The following DYNLT2B variants were observed in gnomAD, a reference collection of about 807,000 sequenced individuals.
DYNLT2B encodes dynein light chain Tctex-type 2B, also known as dynein light chain Tctex-type protein 2B.
A neutral mutation model predicts 19.5 loss-of-function variants in DYNLT2B; 14 were observed. The observed-to-expected ratio is 0.72, with a 90% CI of 0.47 to 1.12. The LOEUF (loss-of-function observed/expected upper bound fraction) is 1.12. Among genes scored for constraint, DYNLT2B ranks in the 50% most tolerant of loss-of-function variants. DYNLT2B has a pLI of 0.00. For missense variants in DYNLT2B, 133 were observed against 174.7 expected, an observed-to-expected ratio of 0.76 and a Z score of 1.35; for synonymous variants, 70 against 59.7, an observed-to-expected ratio of 1.17 and a Z score of -0.79.
intron 3 of DYNLT2B, among the ~76,000 whole-genome samples, chr3:196,301,978 A>T (rs1275210062): frequency 6.6e-6 from 1 of 152,100 alleles, no homozygotes; most frequent in Non-Finnish European, 1.5e-5. Context: ...ACGGTGGCTC[A>T]CGCCTGTAGT....
intron 2 of DYNLT2B, among the ~76,000 whole-genome samples, 190 bp downstream of exon 2, chr3:196,315,908 T>C (rs537129181): frequency 6.6e-6 from 1 of 152,210 alleles, no homozygotes; most frequent in African/African-American, 2.4e-5. Flanking sequence ...CCTCACCATG[T>C]TGCCTAGGCT....
intron 2 of DYNLT2B, among the ~76,000 whole-genome samples, chr3:196,313,596 C>CA (rs1252830220): frequency 2.0e-5 from 3 of 151,858 alleles, no homozygotes; most frequent in African/African-American, 4.8e-5. Flanking sequence ...CCATTTTTTA[C>CA]AAAAAATCTT....
At chr3:196,306,867 A>G (rs1027494701) in intron 3 of DYNLT2B, 76 bp downstream of exon 3, 13 of 1,350,942 alleles carry the variant, frequency 9.6e-6, no homozygotes, top group African/African-American at 1.4e-5. Flanking sequence ...AGGCACTCTT[A>G]CTGAATTGTC....
intron 3 of DYNLT2B, among the ~76,000 whole-genome samples, chr3:196,298,534 A>C (rs1726276035): frequency 6.6e-6 from 1 of 151,886 alleles, no homozygotes; most frequent in Non-Finnish European, 1.5e-5. Context: ...GGCTGGTCTC[A>C]AACTCCTGAG....
rs117943475 is a variant in DYNLT2B at position 196,312,424 on chromosome 3, T to C, written c.247+3674A>G. 4.4e-3 allele frequency among the ~76,000 whole-genome samples: 666 copies of C among 151,550 alleles called. 16 individuals are homozygous for C. The South Asian group carries it at 0.071, about 16-fold the overall frequency. ...CAATGAAGCACAAGGGTCAAGAAAA[T>C]AAATTATTACCTCAAAACTATGTAT... On this transcript the variant is annotated intron_variant, in intron 2 of 4. Transcript: ENST00000325318.
rs1264057940 is a variant in DYNLT2B, at chr3:196,291,366, T to A, written c.390A>T (p.Leu130Phe). Residue 130 changes from leucine (L) to phenylalanine (F), a missense_variant, in exon 5 of 5, where the codon TTA becomes TTT. Coordinates refer to ENST00000325318, the MANE Select transcript of DYNLT2B (RefSeq NM_152773.5). Reference protein sequence around the residue: ...YTHDVFMNDSLFCVVAAFGCF... With the variant: ...YTHDVFMNDSFFCVVAAFGCF... The stretch of plus-strand genomic sequence containing the variant: ...AGCCAAATGCTGCTACAACGCAGAA[T>A]AAACTGTCCTAAAAAATAAATACAA... 1.9e-6 allele frequency: 3 copies of A among 1,609,816 alleles called. No individual in the cohort carries two copies. The highest frequency in any genetic ancestry group is 2.5e-6 in the Non-Finnish European group (3 of 1,178,294).
chr3:196,291,362 A>G lies in DYNLT2B; in HGVS notation c.394T>C (p.Cys132Arg). ...AAACAGCCAAATGCTGCTACAACGC[A>G]GAATAAACTGTCCTAAAAAATAAAT... ...HDVFMNDSLF[C>R]VVAAFGCFYY Residue 132 changes from cysteine (C) to arginine (R), a missense_variant, in exon 5 of 5, where the codon TGC (cysteine) becomes CGC (arginine). Coordinates refer to ENST00000325318, the MANE Select transcript of DYNLT2B (RefSeq NM_152773.5). 1 of 1,610,518 alleles carries G rather than the reference A, an allele frequency of 6.2e-7. No homozygotes were observed. The highest frequency in any genetic ancestry group is 1.1e-5 in the South Asian group (1 of 90,166).
Position 196,291,348 on chromosome 3 carries a change from T to C in DYNLT2B, c.408A>G (p.Ala136=). Residue 136 remains alanine, a synonymous_variant, in exon 5 of 5, where the codon GCA becomes GCG. Coordinates refer to ENST00000325318, the MANE Select transcript of DYNLT2B (RefSeq NM_152773.5). Reference sequence around the variant, plus strand: ...TCATTCAGTAGTAGAAACAGCCAAATGCTGCTACAACGCAGAATAAACTGT... The same window carrying C: ...TCATTCAGTAGTAGAAACAGCCAAACGCTGCTACAACGCAGAATAAACTGT... The part of the protein sequence containing the change: ...MNDSLFCVVA[A]FGCFYY 1 of 1,611,400 alleles carries C rather than the reference T, an allele frequency of 6.2e-7. No individual in the cohort carries two copies. The highest frequency in any genetic ancestry group is 1.3e-5 in the African/African-American group (1 of 74,942).
intron 2 of DYNLT2B, among the ~76,000 whole-genome samples, chr3:196,312,825 G>A (rs1478274659): frequency 3.3e-5 from 5 of 152,194 alleles, no homozygotes; most frequent in East Asian, 1.9e-4. Context: ...CAGGGAATAC[G>A]GCATTTCTGA....
chr3:196,291,320 G>A lies in DYNLT2B; in HGVS notation c.*7C>T, dbSNP rs923175651. The A allele has an allele frequency of 6.2e-7, 1 of 1,605,536 alleles. No homozygotes were observed. Among genetic ancestry groups the A allele is most frequent in the Non-Finnish European group, 8.5e-7 (1 of 1,176,914 alleles). On this transcript the variant is annotated 3_prime_UTR_variant, in exon 5 of 5. Transcript: ENST00000325318. ...TCATGTCTTTTACCAGCTTTTCAAA[G>A]ATTCATTCAGTAGTAGAAACAGCCA...
chr3:196,307,268 T>C (rs1421131230), intron 2 of DYNLT2B, among the ~76,000 whole-genome samples: 2 of 152,038 alleles, frequency 1.3e-5, no homozygotes, highest in Admixed American at 6.6e-5. Flanking sequence ...CCTCCCAAGA[T>C]TGTTATAAGG....
At chr3:196,302,221 C>T (rs1469752726) in intron 3 of DYNLT2B, among the ~76,000 whole-genome samples, 1 of 152,086 alleles carries the variant, frequency 6.6e-6, no homozygotes, top group Admixed American at 6.6e-5. Flanking sequence ...AACCTAAATC[C>T]TAAAAAGAGA....
At chr3:196,307,180 C>T (rs1338405786) in intron 2 of DYNLT2B, among the ~76,000 whole-genome samples, 168 bp from the exon 3 acceptor site, 2 of 152,188 alleles carry the variant, frequency 1.3e-5, no homozygotes, top group Admixed American at 1.3e-4. Flanking sequence ...AACTATAACT[C>T]AGCAAGTGTA....
intron 3 of DYNLT2B, chr3:196,296,392 C>T (rs1032218480): frequency 2.0e-5 from 4 of 199,216 alleles, no homozygotes; most frequent in African/African-American, 9.2e-5. Context: ...TGCACAATAA[C>T]AGGACGAGGA....
intron 3 of DYNLT2B, chr3:196,298,148 A>T: frequency 2.7e-6 from 1 of 367,972 alleles, no homozygotes; most frequent in Non-Finnish European, 5.4e-6. Context: ...CCACTGGAGA[A>T]TGGGACGATT....
intron 4 of DYNLT2B, among the ~76,000 whole-genome samples, chr3:196,295,543 TA>T (rs143747496): frequency 3.3e-5 from 5 of 151,008 alleles, no homozygotes; most frequent in African/African-American, 1.2e-4. Context: ...ATTTTACTAC[TA>T]AAAAAAAATG....
intron 4 of DYNLT2B, among the ~76,000 whole-genome samples, chr3:196,294,625 G>A (rs1026889880): frequency 6.6e-6 from 1 of 152,162 alleles, no homozygotes; most frequent in African/African-American, 2.4e-5. Context: ...GCTTCCTAAT[G>A]TCACTGATAC....
chr3:196,298,934 C>A (rs563146471), intron 3 of DYNLT2B, among the ~76,000 whole-genome samples: 1 of 151,942 alleles, frequency 6.6e-6, no homozygotes, highest in East Asian at 1.9e-4. Flanking sequence ...TACTTTGAGA[C>A]AGAGTCTTGC....
intron 3 of DYNLT2B, among the ~76,000 whole-genome samples, chr3:196,299,943 A>G (rs1463019816): frequency 2.0e-5 from 3 of 152,142 alleles, no homozygotes; most frequent in Admixed American, 2.0e-4. Flanking sequence ...AAATAGAATA[A>G]AATAAAATAA....
Sources: allele counts gnomAD v4.1 joint callset (sites outside exome capture counted in the v4.1 genomes callset), GRCh38; gene constraint gnomAD v4.1.1; transcripts MANE v1.5; gene names NCBI Gene and HGNC (gene_info 2026-07-23, HGNC 2026-07-21).